Variants in ACSL3 observed in about 807,000 individuals in gnomAD.
ACSL3 encodes the protein acyl-CoA synthetase long chain family member 3.
Under a neutral mutation model 84.7 loss-of-function variants are expected in ACSL3, and 34 were observed. The observed-to-expected ratio is 0.40, with a 90% confidence interval of 0.31 to 0.53. The LOEUF (loss-of-function observed/expected upper bound fraction) is 0.53. Ranked by LOEUF, ACSL3 falls within the 20% of genes least tolerant of loss-of-function variation. The pLI is 0.48. For missense variants in ACSL3, 680 were observed against 873.1 expected (o/e 0.78, Z 2.79); for synonymous variants, 315 against 299.4 (o/e 1.05, Z -0.54).
At chr2:222,909,887 A>G (rs547570614) in intron 4 of ACSL3, 1 of 151,472 alleles carries the variant, frequency 6.6e-6, no homozygotes, top group African/African-American at 2.4e-5. Context: ...TATTATTTTC[A>G]CTTTACAGAT....
At chr2:222,863,357 C>T (rs576597125) in intron 1 of ACSL3, among the ~76,000 whole-genome samples, 2 of 152,094 alleles carry the variant, frequency 1.3e-5, no homozygotes, top group Non-Finnish European at 2.9e-5. Flanking sequence ...GTACATAATG[C>T]AAGAGTTTGG....
At chr2:222,875,373 A>C (rs1014195746) in intron 1 of ACSL3, among the ~76,000 whole-genome samples, 5 of 152,156 alleles carry the variant, frequency 3.3e-5, no homozygotes, top group South Asian at 2.1e-4. Context: ...GAGGAATCTC[A>C]TATCTATTCG....
chr2:222,902,001 A>G (rs1023054702), intron 3 of ACSL3, among the ~76,000 whole-genome samples: 1 of 150,890 alleles, frequency 6.6e-6, no homozygotes, highest in Admixed American at 6.6e-5. Context: ...ATATTCTATC[A>G]TCTGAAACCT....
chr2:222,869,157 C>T (rs967223850), intron 1 of ACSL3, among the ~76,000 whole-genome samples: 8 of 152,046 alleles, frequency 5.3e-5, no homozygotes, highest in Admixed American at 2.0e-4. Context: ...GTATATTATC[C>T]TATGTCATCA....
In ACSL3 at chr2:222,924,606, A is replaced by T. The variant is rs188909577; in HGVS notation, c.1292+11A>T. 1.6e-5 allele frequency: 26 copies of T among 1,581,924 alleles called. No homozygotes were observed. In the African/African-American group the frequency reaches 3.3e-4, roughly 20 times the overall value. On this transcript the variant is annotated intron_variant, in intron 11 of 16. Coordinates refer to ENST00000357430, the MANE Select transcript of ACSL3 (RefSeq NM_004457.5). Reference sequence around the variant, plus strand: ...TCCACTGTGCGACAGGTAAGTAAAGACTCTCTACCTCCTTCTTTCTCCTCT... The same window carrying T: ...TCCACTGTGCGACAGGTAAGTAAAGTCTCTCTACCTCCTTCTTTCTCCTCT...
At chr2:222,927,528 T>C (rs1349801858) in intron 12 of ACSL3, among the ~76,000 whole-genome samples, 2 of 152,232 alleles carry the variant, frequency 1.3e-5, no homozygotes, top group African/African-American at 4.8e-5. Context: ...GTAGAAAACT[T>C]AAGGTGCTTT....
chr2:222,887,142 CT>C (rs1468721763), intron 1 of ACSL3, among the ~76,000 whole-genome samples: 5 of 152,208 alleles, frequency 3.3e-5, no homozygotes, highest in African/African-American at 1.2e-4. Flanking sequence ...ATAGCTTTGC[CT>C]TTTCCAATAT....
At chr2:222,920,500 G>A (rs958440633) in intron 7 of ACSL3, among the ~76,000 whole-genome samples, 1 of 152,210 alleles carries the variant, frequency 6.6e-6, no homozygotes, top group African/African-American at 2.4e-5. Flanking sequence ...GTGTAACCAA[G>A]TTAGTCACCA....
At chr2:222,863,518 G>A (rs1340400005) in intron 1 of ACSL3, among the ~76,000 whole-genome samples, 1 of 152,190 alleles carries the variant, frequency 6.6e-6, no homozygotes, top group Non-Finnish European at 1.5e-5. Context: ...AGCTTAAATA[G>A]TCCTCTAATA....
chr2:222,939,143 A>G (rs1187739985), intron 16 of ACSL3, among the ~76,000 whole-genome samples: 1 of 151,084 alleles, frequency 6.6e-6, no homozygotes, highest in East Asian at 1.9e-4. Flanking sequence ...ATTTAATTTG[A>G]TCTTTTGATA....
Position 222,908,293 on chromosome 2 carries a change from C to T in ACSL3, c.-40-440C>T, listed in dbSNP as rs955661809. ...GTTGCTGACTAGAGTGAGAATGGGGCTCACAGGGAAGGAATGTGGTGATTA... is the reference window on the plus strand; with the variant it reads ...GTTGCTGACTAGAGTGAGAATGGGGTTCACAGGGAAGGAATGTGGTGATTA... On this transcript the variant is annotated intron_variant, in intron 3 of 16. Coordinates refer to ENST00000357430, the MANE Select transcript of ACSL3 (RefSeq NM_004457.5). Among the ~76,000 whole-genome samples the T allele has an allele frequency of 7.2e-5, 11 of 152,250 alleles. No individual in the cohort carries two copies. The East Asian group carries it at 2.1e-3, about 29-fold the overall frequency.
chr2:222,939,303 T>G (rs1308852411), intron 16 of ACSL3, among the ~76,000 whole-genome samples: 1 of 152,178 alleles, frequency 6.6e-6, no homozygotes, highest in Admixed American at 6.5e-5. Flanking sequence ...GAGCCAGCCA[T>G]CTTAAGCCTT....
chr2:222,873,420 A>G (rs1330952268), intron 1 of ACSL3, among the ~76,000 whole-genome samples: 1 of 152,226 alleles, frequency 6.6e-6, no homozygotes, highest in African/African-American at 2.4e-5. Flanking sequence ...AAGATCATAA[A>G]TTGACCTAGT....
rs752071980 is a variant in ACSL3, at chr2:222,909,018, C to T, written c.246C>T (p.Tyr82=). ...NSLDGLASVL[Y]PGCDTLDKVF... ...TGGATGGTTTGGCTTCAGTATTATA[C>T]CCTGGATGTGATACTTTAGATAAAG... The change falls in exon 4 of 17, where the codon TAC becomes TAT. Residue 82 remains tyrosine (Y), a synonymous_variant. Coordinates refer to ENST00000357430, the MANE Select transcript of ACSL3 (RefSeq NM_004457.5). 5 of 1,613,592 alleles carry T rather than the reference C, an allele frequency of 3.1e-6. No homozygotes were observed. In the Admixed American group the frequency reaches 6.7e-5, roughly 22 times the overall value.
intron 8 of ACSL3, 88 bp from the exon 9 acceptor site, chr2:222,922,620 A>G (rs1696770949): frequency 1.9e-6 from 3 of 1,543,932 alleles, no homozygotes; most frequent in South Asian, 1.2e-5. Flanking sequence ...GGGCCCTTCC[A>G]TGTGCCTTCA....
At chr2:222,916,560 T>C in intron 5 of ACSL3, 64 bp downstream of exon 5, 6 of 1,447,154 alleles carry the variant, frequency 4.1e-6, no homozygotes, top group Non-Finnish European at 5.5e-6. Flanking sequence ...AATACTTTAC[T>C]CTGAAGAGGT....
chr2:222,877,386 C>A (rs1175616521), intron 1 of ACSL3, among the ~76,000 whole-genome samples: 4 of 152,102 alleles, frequency 2.6e-5, no homozygotes. Context: ...TGGAAAGTTC[C>A]ATGAGGGCAG....
chr2:222,917,913 A>G (rs1377636958), intron 5 of ACSL3, 133 bp from the exon 6 acceptor site: 16 of 513,986 alleles, frequency 3.1e-5, no homozygotes, highest in Non-Finnish European at 4.7e-5. Flanking sequence ...TTTAAAAAAC[A>G]TAACACTTAT....
intron 1 of ACSL3, among the ~76,000 whole-genome samples, chr2:222,868,883 T>C (rs1447991435): frequency 6.6e-6 from 1 of 151,872 alleles, no homozygotes. Flanking sequence ...GACAGGAGAA[T>C]TGCTTGAACC....
Sources: allele counts gnomAD v4.1 joint callset (sites outside exome capture counted in the v4.1 genomes callset), GRCh38; gene constraint gnomAD v4.1.1; transcripts MANE v1.5; gene names NCBI Gene and HGNC (gene_info 2026-07-23, HGNC 2026-07-21).